NKAIN3: variants seen among roughly 807,000 people sequenced by gnomAD.
NKAIN3 encodes sodium/potassium-transporting ATPase subunit beta-1-interacting protein 3.
In NKAIN3, 25 loss-of-function variants were observed where a neutral mutation model predicts 30.2. That is an observed-to-expected ratio of 0.83 (90% CI 0.60 to 1.16). The LOEUF is 1.16. Ranked by LOEUF, NKAIN3 falls within the 50% of genes most tolerant of loss-of-function variation. The pLI is 0.00. For missense variants in NKAIN3, 225 were observed against 254.1 expected, an observed-to-expected ratio of 0.89 and a Z score of 0.78; for synonymous variants, 91 against 89.6, an observed-to-expected ratio of 1.02 and a Z score of -0.09.
In NKAIN3 at chr8:62,526,174, G is replaced by A. The variant is rs72651544; in HGVS notation, c.55-53365G>A. Among the ~76,000 whole-genome samples the A allele has an allele frequency of 8.0e-3, 1,220 of 152,176 alleles. 21 individuals carry two copies. The highest frequency in any genetic ancestry group is 0.028 in the Admixed American group (421 of 15,260). On this transcript the variant is annotated intron_variant, in intron 1 of 6. Coordinates refer to ENST00000623646, the MANE Select transcript of NKAIN3 (RefSeq NM_001304533.3). ...GGAACAAGAATTAGAATAAGAAAGG[G>A]AAGAGCTGGGAGGAACATTAATAAC...
At chr8:62,423,584 T>G (rs1389818515) in intron 1 of NKAIN3, among the ~76,000 whole-genome samples, 8 of 151,856 alleles carry the variant, frequency 5.3e-5, no homozygotes, top group Non-Finnish European at 1.0e-4. Flanking sequence ...TTTTACAGCT[T>G]TACTAATATA....
intron 2 of NKAIN3, among the ~76,000 whole-genome samples, chr8:62,584,671 T>C (rs1810414604): frequency 6.6e-6 from 1 of 152,238 alleles, no homozygotes; most frequent in Non-Finnish European, 1.5e-5. Flanking sequence ...CTGCTCCTTC[T>C]GCCTGGAATG....
At position 62,471,680 on chromosome 8, in the gene NKAIN3, C is replaced by T. The variant is rs139921077; in HGVS notation, c.55-107859C>T. Among the ~76,000 whole-genome samples the T allele has an allele frequency of 4.5e-3, 678 of 152,102 alleles. 6 individuals carry two copies. The highest frequency in any genetic ancestry group is 0.015 in the African/African-American group (640 of 41,474). On this transcript the variant is annotated intron_variant, in intron 1 of 6. Transcript: ENST00000623646. Reference sequence around the variant, plus strand: ...CTACTTCAGCTCACTGGGGGCTGGGCGCGGTGACTCACGTCTATAATCCCA... The same window carrying T: ...CTACTTCAGCTCACTGGGGGCTGGGTGCGGTGACTCACGTCTATAATCCCA...
intron 1 of NKAIN3, among the ~76,000 whole-genome samples, chr8:62,429,081 A>C (rs767817876): frequency 6.6e-6 from 1 of 151,896 alleles, no homozygotes. Flanking sequence ...TTTATTGAAG[A>C]GACTGCCTTT....
At chr8:62,986,838 TAA>T (rs1824209351), downstream of NKAIN3, among the ~76,000 whole-genome samples, 1 of 152,192 alleles carries the variant, frequency 6.6e-6, no homozygotes, top group Non-Finnish European at 1.5e-5. Flanking sequence ...TGAAATAGGA[TAA>T]AGACTCAGAT....
chr8:62,485,533 G>C (rs1806871529), intron 1 of NKAIN3, among the ~76,000 whole-genome samples: 1 of 152,074 alleles, frequency 6.6e-6, no homozygotes, highest in South Asian at 2.1e-4. Context: ...ATGTATCTGG[G>C]GTCAGCTTTA....
intron 3 of NKAIN3, among the ~76,000 whole-genome samples, chr8:62,740,557 T>C (rs1815831337): frequency 6.6e-6 from 1 of 152,024 alleles, no homozygotes; most frequent in African/African-American, 2.4e-5. Flanking sequence ...AAGGAGATTA[T>C]TAAAAGAGCA....
At chr8:62,317,054 T>G (rs966061013) in intron 1 of NKAIN3, among the ~76,000 whole-genome samples, 1 of 152,176 alleles carries the variant, frequency 6.6e-6, no homozygotes, top group African/African-American at 2.4e-5. Flanking sequence ...TCATGTGTCT[T>G]TTGGCTGCAT....
intron 4 of NKAIN3, among the ~76,000 whole-genome samples, chr8:62,834,949 T>C (rs1247239179): frequency 1.3e-5 from 2 of 151,910 alleles, no homozygotes; most frequent in African/African-American, 2.4e-5. Context: ...GCAGCAGTAA[T>C]CAAAACAGCA....
At chr8:62,985,723 T>C (rs1824187247), downstream of NKAIN3, among the ~76,000 whole-genome samples, 1 of 151,974 alleles carries the variant, frequency 6.6e-6, no homozygotes, top group Admixed American at 6.5e-5. Context: ...TTGAACAAAT[T>C]GCTAGCACCT....
At chr8:62,851,147 A>G (rs1380484267) in intron 4 of NKAIN3, among the ~76,000 whole-genome samples, 1 of 152,032 alleles carries the variant, frequency 6.6e-6, no homozygotes, top group Non-Finnish European at 1.5e-5. Context: ...AGTGGTTTGT[A>G]GTTCTCCTTG....
chr8:62,973,527 T>C lies in NKAIN3; in HGVS notation c.*8120T>C, dbSNP rs1823878739. Among the ~76,000 whole-genome samples, 1 of 152,216 alleles carries C rather than the reference T, an allele frequency of 6.6e-6. No individual in the cohort carries two copies. The highest frequency in any genetic ancestry group is 2.4e-5 in the African/African-American group (1 of 41,458). ...TTTGATGGAGTTGTTTTTTTTCTTGTAAATTTGTTTAAGTTCCTTGTAGAT... is the reference window on the plus strand; with the variant it reads ...TTTGATGGAGTTGTTTTTTTTCTTGCAAATTTGTTTAAGTTCCTTGTAGAT... On this transcript the variant is annotated 3_prime_UTR_variant, in exon 7 of 7. Coordinates refer to ENST00000623646, the MANE Select transcript of NKAIN3 (RefSeq NM_001304533.3).
At position 62,605,910 on chromosome 8, in the gene NKAIN3, T is replaced by C. The variant is rs568562116; in HGVS notation, c.273+16116T>C. Among the ~76,000 whole-genome samples, 15 of 152,110 alleles carry C rather than the reference T, an allele frequency of 9.9e-5. No homozygotes were observed. The South Asian group carries it at 2.5e-3, about 25-fold the overall frequency. On this transcript the variant is annotated intron_variant, in intron 3 of 6. Transcript: ENST00000623646. The stretch of plus-strand genomic sequence containing the variant: ...CAATAAAATGTAGTGAGAATTATGA[T>C]AATGGAAGGAAAACAAACTTTGGTA...
At chr8:62,949,967 G>A (rs974659031) in intron 5 of NKAIN3, among the ~76,000 whole-genome samples, 3 of 151,472 alleles carry the variant, frequency 2.0e-5, no homozygotes, top group Non-Finnish European at 2.9e-5. Context: ...ATTTCTTTTC[G>A]TGTTTCATTG....
chr8:62,850,617 T>G (rs1383422040), intron 4 of NKAIN3, among the ~76,000 whole-genome samples: 2 of 152,066 alleles, frequency 1.3e-5, no homozygotes, highest in African/African-American at 2.4e-5. Flanking sequence ...TAATCCATCT[T>G]GAATTAATTT....
intron 1 of NKAIN3, among the ~76,000 whole-genome samples, chr8:62,490,833 T>C (rs75765953): frequency 0.1 from 15,295 of 152,208 alleles, 828 homozygotes; most frequent in East Asian, 0.13. Context: ...TGCCTGAAGT[T>C]GGACAGGTTA....
chr8:62,677,044 C>T (rs1193620804), intron 3 of NKAIN3, among the ~76,000 whole-genome samples: 1 of 152,176 alleles, frequency 6.6e-6, no homozygotes, highest in East Asian at 1.9e-4. Flanking sequence ...AAGTATGATG[C>T]ATAAGTGCTG....
At chr8:62,933,346 A>T (rs775267323) in intron 5 of NKAIN3, among the ~76,000 whole-genome samples, 2 of 152,220 alleles carry the variant, frequency 1.3e-5, no homozygotes, top group Non-Finnish European at 2.9e-5. Flanking sequence ...AGGAATTATG[A>T]AGAGACTTCA....
intron 1 of NKAIN3, among the ~76,000 whole-genome samples, chr8:62,324,278 TA>T (rs1425367893): frequency 6.6e-6 from 1 of 152,130 alleles, no homozygotes; most frequent in Non-Finnish European, 1.5e-5. Context: ...AAAACTTATT[TA>T]AAAAGAGTAT....
Sources: gnomAD v4.1 joint callset for allele counts (sites outside exome capture counted in the v4.1 genomes callset) on GRCh38, gnomAD v4.1.1 for gene constraint, MANE v1.5 for transcripts, NCBI Gene and HGNC (gene_info 2026-07-23, HGNC 2026-07-21) for gene names.